HELQ: variants seen among roughly 807,000 people sequenced by gnomAD.
HELQ encodes helicase POLQ-like.
A neutral mutation model predicts 111.6 loss-of-function variants in HELQ; 77 were observed. The observed-to-expected ratio is 0.69, with a 90% CI of 0.57 to 0.83. The LOEUF (loss-of-function observed/expected upper bound fraction) is 0.83, where lower values mean the gene tolerates loss of function less well. HELQ is among the 40% of genes least tolerant of loss of function. The pLI, the probability that HELQ is intolerant of heterozygous loss-of-function variation, is 0.00. For synonymous variants in HELQ, 438 were observed against 454.7 expected (o/e 0.96, Z 0.47); for missense variants, 1,200 against 1,288.5 (o/e 0.93, Z 1.05).
In HELQ at chr4:83,443,645, T is replaced by C. The variant is rs765492596; in HGVS notation, c.1466-31A>G. On this transcript the variant is annotated intron_variant, in intron 5 of 17. Transcript: ENST00000295488. ...ACACAAACAAACAAAAGCCAAAGTG[T>C]TAAGGAAAATATGTTATTTAATATA... 45 of 976,054 alleles carry C rather than the reference T, an allele frequency of 4.6e-5. No homozygotes were observed. The East Asian group carries it at 8.7e-4, about 19-fold the overall frequency. The allele number at this position is 976,054 out of a possible 1,614,324, so 60.5% of individuals were successfully genotyped here.
Position 83,432,110 on chromosome 4 carries a change from C to T in HELQ, c.2190+16G>A, listed in dbSNP as rs1720185385. On this transcript the variant is annotated intron_variant, in intron 10 of 17. Coordinates refer to ENST00000295488, the MANE Select transcript of HELQ (RefSeq NM_133636.5). ...GAAAAAGACAAAAACAACCAACCAA[C>T]CAAATTGAGTATTACCTGTTGTTTG... is the stretch of plus-strand genomic sequence containing the variant. 1 of 1,550,336 alleles carries T rather than the reference C, an allele frequency of 6.5e-7. No homozygotes were observed. The highest frequency in any genetic ancestry group is 8.7e-7 in the Non-Finnish European group (1 of 1,152,468).
chr4:83,422,047 T>C (rs1206135172), intron 14 of HELQ, among the ~76,000 whole-genome samples: 1 of 151,588 alleles, frequency 6.6e-6, no homozygotes, highest in Non-Finnish European at 1.5e-5. Context: ...GTGGCAAAAC[T>C]CCGTCTCCAC....
intron 15 of HELQ, 127 bp downstream of exon 15, chr4:83,421,436 G>T: frequency 1.5e-6 from 1 of 650,182 alleles, no homozygotes; most frequent in Non-Finnish European, 2.6e-6. Context: ...GTTTTTTAGT[G>T]CTCTGTAATA....
chr4:83,441,446 T>TG, intron 6 of HELQ, 43 bp from the exon 7 acceptor site: 2 of 904,132 alleles, frequency 2.2e-6, no homozygotes, highest in Non-Finnish European at 3.5e-6. Flanking sequence ...ACATATAAAT[T>TG]CATCTTTCCA....
Position 83,426,015 on chromosome 4 carries a change from T to C in HELQ, c.2754A>G (p.Ala918=), listed in dbSNP as rs772846238. The change falls in exon 14 of 18, where the codon GCA becomes GCG. Residue 918 remains alanine, a synonymous_variant. Transcript: ENST00000295488. The part of the protein sequence containing the change: ...GVSESFIGKK[A]SGQAIGKKVD... Reference sequence around the variant, plus strand: ...GTACCTTTCCGATGGCTTGGCCTGATGCTTTCTTCCCAATAAAGCTTTCAG... The same window carrying C: ...GTACCTTTCCGATGGCTTGGCCTGACGCTTTCTTCCCAATAAAGCTTTCAG... 6.2e-6 allele frequency: 10 copies of C among 1,602,630 alleles called. No individual in the cohort carries two copies. The African/African-American group carries it at 1.3e-4, about 21-fold the overall frequency.
Position 83,423,081 on chromosome 4 carries a change from T to C in HELQ, c.2776-1345A>G, listed in dbSNP as rs534025440. 3.5e-4 allele frequency among the ~76,000 whole-genome samples: 53 copies of C among 152,190 alleles called. 1 individual carries two copies. The East Asian group carries it at 6.8e-3, about 19-fold the overall frequency. On this transcript the variant is annotated intron_variant, in intron 14 of 17. Transcript: ENST00000295488. ...ATTTCATAGCTAGCTTAGAAACTAA[T>C]CAATTCTTAAAATTGAGGGCAAAAA...
rs1721079958 is a variant in HELQ at position 83,446,944 on chromosome 4, C to T, written c.1283G>A (p.Arg428Lys). The change falls in exon 4 of 18, where the codon AGG (arginine) becomes AAG (lysine). Residue 428 changes from arginine (R) to lysine (K), a missense_variant. By Grantham distance (26) the Arg-to-Lys change is conservative. This residue lies in a region of HELQ where 610 missense variants were observed against 607.1 expected (regional missense o/e 1.00). Transcript: ENST00000295488. ...GGCAATATAGAGTGATTTCTTTTCC[C>T]TTCTTTTAGTTGGAGGAAATCTTCC... Reference protein sequence around the residue: ...SKGRFPPTKRREKKSLYIATI... With the variant: ...SKGRFPPTKRKEKKSLYIATI... The T allele has an allele frequency of 1.2e-6, 2 of 1,612,918 alleles. No homozygotes were observed. The highest frequency in any genetic ancestry group is 1.7e-6 in the Non-Finnish European group (2 of 1,178,914).
intron 17 of HELQ, among the ~76,000 whole-genome samples, chr4:83,414,101 T>C (rs1739241508): frequency 6.6e-6 from 1 of 152,232 alleles, no homozygotes; most frequent in Admixed American, 6.5e-5. Flanking sequence ...GGGTTATCAG[T>C]ATGAGCTCAT....
intron 8 of HELQ, among the ~76,000 whole-genome samples, chr4:83,439,450 C>T (rs2109998937): frequency 6.6e-6 from 1 of 151,668 alleles, no homozygotes; most frequent in Admixed American, 6.6e-5. Flanking sequence ...ACCTCCGCCT[C>T]CCGGGTCCAA....
chr4:83,428,239 C>T (rs1719947796), intron 12 of HELQ, among the ~76,000 whole-genome samples: 2 of 150,542 alleles, frequency 1.3e-5, no homozygotes, highest in African/African-American at 4.9e-5. Context: ...GAATACATAT[C>T]AAACTGGTAG....
At chr4:83,452,920 T>C (rs1394350247) in intron 2 of HELQ, among the ~76,000 whole-genome samples, 5 of 152,232 alleles carry the variant, frequency 3.3e-5, no homozygotes, top group Non-Finnish European at 5.9e-5. Context: ...GAATTTGGCA[T>C]GTCTTTGAAC....
chr4:83,437,244 G>T, intron 8 of HELQ, 147 bp from the exon 9 acceptor site: 2 of 770,140 alleles, frequency 2.6e-6, no homozygotes, highest in Middle Eastern at 3.8e-4. Context: ...TTAGAATTTT[G>T]ATTCTGACTT....
At chr4:83,423,039 A>G (rs1286017203) in intron 14 of HELQ, among the ~76,000 whole-genome samples, 1 of 152,158 alleles carries the variant, frequency 6.6e-6, no homozygotes, top group African/African-American at 2.4e-5. Context: ...CCTGATGACC[A>G]CATTTGTGCA....
chr4:83,455,674 C>T lies in HELQ; in HGVS notation c.20G>A (p.Arg7His). MDECGS[R>H]IRRRVSLPKR... ...GGGGAGAGACACCCGCCGGCGGATG[C>T]GGGAACCACATTCATCCATGGCAAG... The change falls in exon 1 of 18, where the codon CGC (arginine) becomes CAC (histidine). Residue 7 changes from arginine (R) to histidine (H), a missense_variant. Around this residue, in one of 3 missense-constraint regions of HELQ, gnomAD observed 610 missense variants for 607.1 expected, o/e 1.00. Transcript: ENST00000295488. The T allele has an allele frequency of 6.2e-7, 1 of 1,609,194 alleles. No homozygotes were observed. The highest frequency in any genetic ancestry group is 8.5e-7 in the Non-Finnish European group (1 of 1,179,872).
At chr4:83,448,100 C>T (rs1358162732) in intron 3 of HELQ, among the ~76,000 whole-genome samples, 3 of 151,308 alleles carry the variant, frequency 2.0e-5, no homozygotes, top group Non-Finnish European at 4.4e-5. Flanking sequence ...ATCCTAGCTA[C>T]TTGGGAAGCT....
intron 13 of HELQ, 25 bp from the exon 14 acceptor site, chr4:83,426,117 T>C (rs1719836482): frequency 4.1e-6 from 5 of 1,231,346 alleles, no homozygotes; most frequent in Non-Finnish European, 5.9e-6. Flanking sequence ...AGCAAATAGA[T>C]GGAAACATCA....
Position 83,448,779 on chromosome 4 carries a change from A to ACC in HELQ, c.1191+3_1191+4insGG. 1 of 1,610,370 alleles carries ACC rather than the reference A, an allele frequency of 6.2e-7. No individual in the cohort carries two copies. The highest frequency in any genetic ancestry group is 8.5e-7 in the Non-Finnish European group (1 of 1,177,538). The stretch of plus-strand genomic sequence containing the variant: ...TTTGTTTTAAAACATACACACACAC[A>ACC]CACCTTTTCTTGGACAATTGCCACA... On this transcript the variant is annotated splice_donor_region_variant and intron_variant, in intron 3 of 17. Coordinates refer to ENST00000295488, the MANE Select transcript of HELQ (RefSeq NM_133636.5).
chr4:83,433,529 G>C (rs528854220), intron 9 of HELQ, among the ~76,000 whole-genome samples: 15 of 151,990 alleles, frequency 9.9e-5, no homozygotes, highest in Non-Finnish European at 1.6e-4. Flanking sequence ...AGCTGGTCGT[G>C]GTGGCAGGCG....
At chr4:83,409,291 C>T (rs1399092960) in intron 17 of HELQ, among the ~76,000 whole-genome samples, 1 of 152,134 alleles carries the variant, frequency 6.6e-6, no homozygotes, top group Non-Finnish European at 1.5e-5. Flanking sequence ...TAGCTCATGC[C>T]TGTAATCCCA....
Sources: allele counts gnomAD v4.1 joint callset (sites outside exome capture counted in the v4.1 genomes callset), GRCh38; gene constraint gnomAD v4.1.1; regional missense constraint gnomAD v4.1.1; transcripts MANE v1.5; gene names NCBI Gene and HGNC (gene_info 2026-07-23, HGNC 2026-07-21).